GADL1: variants seen among roughly 807,000 people sequenced by gnomAD.
GADL1 encodes GAD like acidic amino acid decarboxylase 1, also known as acidic amino acid decarboxylase GADL1.
In GADL1, 71 loss-of-function variants were observed where a neutral mutation model predicts 69.5. That is an observed-to-expected ratio of 1.02 (90% CI 0.84 to 1.25). The LOEUF (loss-of-function observed/expected upper bound fraction) is 1.25, where lower values mean the gene tolerates loss of function less well. Ranked by LOEUF, GADL1 falls within the 50% of genes most tolerant of loss-of-function variation. GADL1 has a pLI of 0.00. For synonymous variants in GADL1, 254 were observed against 214.4 expected, an observed-to-expected ratio of 1.18 and a Z score of -1.62; for missense variants, 737 against 631.8, an observed-to-expected ratio of 1.17 and a Z score of -1.79.
chr3:30,772,952 C>A (rs1296881493), intron 14 of GADL1, among the ~76,000 whole-genome samples: 1 of 152,058 alleles, frequency 6.6e-6, no homozygotes, highest in Non-Finnish European at 1.5e-5. Flanking sequence ...TATTGAAGAT[C>A]ACTAGGAACC....
intron 14 of GADL1, among the ~76,000 whole-genome samples, chr3:30,754,426 T>A (rs1224306482): frequency 6.6e-6 from 1 of 152,160 alleles, no homozygotes; most frequent in Non-Finnish European, 1.5e-5. Context: ...CTTAAAAGCA[T>A]GAATCCTAAA....
chr3:30,889,500 T>C (rs1341081553), intron 1 of GADL1, among the ~76,000 whole-genome samples: 2 of 152,156 alleles, frequency 1.3e-5, no homozygotes, highest in Non-Finnish European at 2.9e-5. Flanking sequence ...AATGTATACA[T>C]AACAAAGCAA....
At chr3:30,770,186 T>G (rs1173503185) in intron 14 of GADL1, among the ~76,000 whole-genome samples, 1 of 152,216 alleles carries the variant, frequency 6.6e-6, no homozygotes, top group Non-Finnish European at 1.5e-5. Flanking sequence ...TCCTCTCATT[T>G]ATGCTACTTG....
At chr3:30,837,492 C>T (rs982614223) in intron 9 of GADL1, among the ~76,000 whole-genome samples, 5 of 152,112 alleles carry the variant, frequency 3.3e-5, no homozygotes, top group Admixed American at 2.6e-4. Flanking sequence ...AAAGACTCAA[C>T]CTTTAATTTT....
chr3:30,841,527 T>C (rs1293956479), intron 8 of GADL1, among the ~76,000 whole-genome samples: 1 of 152,148 alleles, frequency 6.6e-6, no homozygotes. Flanking sequence ...AAACTCACTA[T>C]TTTAAAAATT....
At chr3:30,806,552 GTAAA>G (rs779598133) in intron 11 of GADL1, among the ~76,000 whole-genome samples, 1 of 152,102 alleles carries the variant, frequency 6.6e-6, no homozygotes, top group Non-Finnish European at 1.5e-5. Flanking sequence ...AGATGTAATG[GTAAA>G]TAAAAAAGTC....
chr3:30,819,192 G>C (rs981228849), intron 11 of GADL1, among the ~76,000 whole-genome samples: 3 of 128,772 alleles, frequency 2.3e-5, no homozygotes, highest in Admixed American at 8.0e-5. Flanking sequence ...TTCTTTCTTG[G>C]TGCCCCGGGT....
chr3:30,815,565 GGGAAA>G (rs1697452685), intron 11 of GADL1, among the ~76,000 whole-genome samples: 1 of 152,200 alleles, frequency 6.6e-6, no homozygotes, highest in African/African-American at 2.4e-5. Flanking sequence ...GGCTGAAAGA[GGGAAA>G]GTGTAATGAG....
intron 13 of GADL1, among the ~76,000 whole-genome samples, chr3:30,785,268 T>C (rs1300076258): frequency 6.6e-6 from 1 of 152,174 alleles, no homozygotes; most frequent in Non-Finnish European, 1.5e-5. Flanking sequence ...AATGTAAACA[T>C]GAAATTGGGG....
intron 1 of GADL1, among the ~76,000 whole-genome samples, chr3:30,872,799 C>T (rs1698511280): frequency 6.6e-6 from 1 of 151,892 alleles, no homozygotes; most frequent in Non-Finnish European, 1.5e-5. Flanking sequence ...TCATTCTGCA[C>T]TCTGTGAAAC....
At chr3:30,833,752 G>A (rs888910678) in intron 11 of GADL1, 101 bp downstream of exon 11, 8 of 748,274 alleles carry the variant, frequency 1.1e-5, no homozygotes, top group Admixed American at 4.1e-5. Flanking sequence ...TTCAATTTAC[G>A]CCTCGCCCAA....
chr3:30,756,119 G>A (rs1404045345), intron 14 of GADL1, among the ~76,000 whole-genome samples: 1 of 152,144 alleles, frequency 6.6e-6, no homozygotes. Flanking sequence ...GAGATGAAAT[G>A]ACTCGCCACT....
chr3:30,801,137 T>A, intron 11 of GADL1, 49 bp from the exon 12 acceptor site: 1 of 1,464,144 alleles, frequency 6.8e-7, no homozygotes, highest in Non-Finnish European at 9.5e-7. Context: ...GAATATAACT[T>A]GATTTTGAAA....
In GADL1 at chr3:30,726,857, A is replaced by T. The variant is rs1695374087; in HGVS notation, c.*1385T>A. ...GGACCAGGGTCAGAGATAGAATTAA[A>T]ATCACCCACTCTCAGGAGAAATGGA... On this transcript the variant is annotated 3_prime_UTR_variant, in exon 15 of 15. Coordinates refer to ENST00000282538, the MANE Select transcript of GADL1 (RefSeq NM_207359.3). 6.6e-6 allele frequency: 1 copy of T among 152,516 alleles called. No homozygotes were observed. Among genetic ancestry groups the T allele is most frequent in the South Asian group, 2.1e-4 (1 of 4,830 alleles). The allele number at this position is 152,516 out of a possible 1,614,324, so 9.4% of individuals were successfully genotyped here.
At chr3:30,799,923 C>CT (rs1417440737) in intron 12 of GADL1, 1 of 152,314 alleles carries the variant, frequency 6.6e-6, no homozygotes, top group Non-Finnish European at 1.5e-5. Context: ...TCATCTCCAT[C>CT]TGAGACTACC....
At chr3:30,817,298 AT>A (rs1697493606) in intron 11 of GADL1, among the ~76,000 whole-genome samples, 1 of 152,186 alleles carries the variant, frequency 6.6e-6, no homozygotes, top group African/African-American at 2.4e-5. Flanking sequence ...TACTAATTTT[AT>A]TGTTATATTG....
chr3:30,841,584 C>T (rs1299928247), intron 8 of GADL1, among the ~76,000 whole-genome samples: 2 of 152,102 alleles, frequency 1.3e-5, no homozygotes, highest in Admixed American at 6.6e-5. Flanking sequence ...CTTGCCTGTG[C>T]AGTGTTTCCT....
chr3:30,758,009 A>G (rs1553636101), intron 14 of GADL1, among the ~76,000 whole-genome samples: 10 of 152,186 alleles, frequency 6.6e-5, no homozygotes, highest in Non-Finnish European at 1.5e-4. Context: ...TCTCAATTCC[A>G]TGAGTTAAGT....
chr3:30,767,790 A>G (rs1696317564), intron 14 of GADL1, among the ~76,000 whole-genome samples: 1 of 152,204 alleles, frequency 6.6e-6, no homozygotes, highest in African/African-American at 2.4e-5. Flanking sequence ...AATACAAAGG[A>G]TATTATTACT....
Sources: gnomAD v4.1 joint callset for allele counts (sites outside exome capture counted in the v4.1 genomes callset) on GRCh38, gnomAD v4.1.1 for gene constraint, MANE v1.5 for transcripts, NCBI Gene and HGNC (gene_info 2026-07-23, HGNC 2026-07-21) for gene names.